The following FBXO15 variants were observed in gnomAD, a reference collection of about 807,000 sequenced individuals.
FBXO15 encodes the protein F-box protein 15.
In FBXO15, 30 loss-of-function variants were observed where a neutral mutation model predicts 49.5. That is an observed-to-expected ratio of 0.61 (90% CI 0.45 to 0.82). FBXO15 has a LOEUF of 0.82. Among genes scored for constraint, FBXO15 ranks in the 40% least tolerant of loss-of-function variants. The pLI is 0.00. For synonymous variants in FBXO15, 250 were observed against 232.7 expected, an observed-to-expected ratio of 1.07 and a Z score of -0.68; for missense variants, 591 against 631.5, an observed-to-expected ratio of 0.94 and a Z score of 0.69.
chr18:74,135,892 A>C (rs1443623449), intron 2 of FBXO15, 26 bp from the exon 3 acceptor site: 1 of 1,584,722 alleles, frequency 6.3e-7, no homozygotes, highest in Non-Finnish European at 8.6e-7. Flanking sequence ...AAGAAAAAAA[A>C]AATCACCAGA....
At chr18:74,141,684 C>T (rs1042697924) in intron 1 of FBXO15, among the ~76,000 whole-genome samples, 1 of 152,198 alleles carries the variant, frequency 6.6e-6, no homozygotes, top group African/African-American at 2.4e-5. Context: ...CTGGTCTTAA[C>T]AGAGGATGGC....
chr18:74,093,674 C>T (rs1008271800), intron 8 of FBXO15, among the ~76,000 whole-genome samples: 2 of 152,240 alleles, frequency 1.3e-5, no homozygotes. Context: ...AACTGTAGTT[C>T]TCTTGCTATT....
At chr18:74,123,241 G>C in intron 8 of FBXO15, 127 bp downstream of exon 8, 1 of 1,005,262 alleles carries the variant, frequency 9.9e-7, no homozygotes, top group Non-Finnish European at 1.5e-6. Context: ...ACACGGGTCT[G>C]GGAGGATACT....
At chr18:74,076,651 T>G (rs1361235447) in intron 9 of FBXO15, 1 of 152,372 alleles carries the variant, frequency 6.6e-6, no homozygotes, top group East Asian at 1.9e-4. Context: ...GCCATCTAAC[T>G]GATCTCCCCA....
At chr18:74,133,989 C>T (rs562498283) in intron 3 of FBXO15, among the ~76,000 whole-genome samples, 85 of 152,294 alleles carry the variant, frequency 5.6e-4, no homozygotes, top group Non-Finnish European at 7.9e-4. Context: ...CAAATCTCAA[C>T]TACGTAAACT....
rs4892180 is a variant in FBXO15 at position 74,123,777 on chromosome 18, T to C, written c.996-267A>G. Among the ~76,000 whole-genome samples the C allele has an allele frequency of 2.4e-3, 361 of 152,194 alleles. 4 individuals carry two copies. The highest frequency in any genetic ancestry group is 0.019 in the Admixed American group (297 of 15,284). On this transcript the variant is annotated intron_variant, in intron 7 of 9. Coordinates refer to ENST00000419743, the MANE Select transcript of FBXO15 (RefSeq NM_001142958.2). ...CGGGTGCACATGTTTCTGCAGCTGA[T>C]CCCAGCATGGCCACTCTATAAAAGC...
At chr18:74,114,020 T>A (rs1210415071) in intron 8 of FBXO15, among the ~76,000 whole-genome samples, 1 of 152,190 alleles carries the variant, frequency 6.6e-6, no homozygotes, top group Non-Finnish European at 1.5e-5. Flanking sequence ...TTGGATGTGG[T>A]CTAGGCATTT....
intron 8 of FBXO15, among the ~76,000 whole-genome samples, chr18:74,093,750 T>C (rs1913157237): frequency 6.6e-6 from 1 of 152,200 alleles, no homozygotes; most frequent in African/African-American, 2.4e-5. Flanking sequence ...CCATGAGGGT[T>C]AGAATCAACT....
chr18:74,104,972 T>C (rs1411564688), intron 8 of FBXO15, among the ~76,000 whole-genome samples: 1 of 152,176 alleles, frequency 6.6e-6, no homozygotes, highest in Non-Finnish European at 1.5e-5. Flanking sequence ...AAATTAAATA[T>C]TATTCAGCCA....
Position 74,130,486 on chromosome 18 carries a change from C to T in FBXO15, c.505G>A (p.Ala169Thr), listed in dbSNP as rs567065722. The change falls in exon 4 of 10, where the codon GCA becomes ACA. Residue 169 changes from alanine to threonine, a missense_variant. Ala to Thr is a moderately conservative substitution (Grantham distance 58). Coordinates refer to ENST00000419743, the MANE Select transcript of FBXO15 (RefSeq NM_001142958.2). The stretch of plus-strand genomic sequence containing the variant: ...ACAGGTTTGAGAATGTCAGCTAGTG[C>T]GGCTTTTACAGATGCTATTTGTTTT... ...ITKQIASVKA[A>T]LADILKPVNP... 37 of 1,614,120 alleles carry T rather than the reference C, an allele frequency of 2.3e-5. No individual in the cohort carries two copies. In the Middle Eastern group the frequency reaches 1.2e-3, roughly 50 times the overall value.
chr18:74,107,861 A>G (rs929463417), intron 8 of FBXO15, among the ~76,000 whole-genome samples: 6 of 152,218 alleles, frequency 3.9e-5, no homozygotes, highest in African/African-American at 1.4e-4. Flanking sequence ...GAAACTAACT[A>G]GAGAATAACC....
intron 8 of FBXO15, among the ~76,000 whole-genome samples, chr18:74,084,496 T>C (rs1207184827): frequency 6.6e-6 from 1 of 152,208 alleles, no homozygotes; most frequent in African/African-American, 2.4e-5. Context: ...TGCTGATAGT[T>C]TCACAAGAGA....
At chr18:74,136,714 C>A (rs1355490664) in intron 2 of FBXO15, among the ~76,000 whole-genome samples, 1 of 152,126 alleles carries the variant, frequency 6.6e-6, no homozygotes, top group Non-Finnish European at 1.5e-5. Flanking sequence ...TCTCAGAATT[C>A]TATAAAACAC....
At chr18:74,114,232 T>G (rs1259318553) in intron 8 of FBXO15, among the ~76,000 whole-genome samples, 1 of 152,176 alleles carries the variant, frequency 6.6e-6, no homozygotes, top group Non-Finnish European at 1.5e-5. Flanking sequence ...GAGCTCTCAT[T>G]AGAGCTGTCT....
intron 8 of FBXO15, among the ~76,000 whole-genome samples, chr18:74,084,519 T>C (rs1392765686): frequency 3.3e-5 from 5 of 152,242 alleles, no homozygotes; most frequent in Non-Finnish European, 7.3e-5. Flanking sequence ...CCACAGAGCA[T>C]GGCTTTGCAT....
rs572539362 is a variant in FBXO15, at chr18:74,136,353, T to C, written c.228-487A>G. On this transcript the variant is annotated intron_variant, in intron 2 of 9. Transcript: ENST00000419743. ...ACGCCGCCAAGCCTGGCTAATTTTTTGTATTTTTTGTGCAATTTCACCATG... is the reference window on the plus strand; with the variant it reads ...ACGCCGCCAAGCCTGGCTAATTTTTCGTATTTTTTGTGCAATTTCACCATG... 1.8e-4 allele frequency among the ~76,000 whole-genome samples: 28 copies of C among 152,330 alleles called. No individual in the cohort carries two copies. In the East Asian group the frequency reaches 4.6e-3, roughly 25 times the overall value.
chr18:74,134,913 C>A lies in FBXO15; in HGVS notation c.332+849G>T, dbSNP rs577819810. ...AAACAAAACCATCAGTTAAAACCGG[C>A]ATTCCCTCTCATCTTGCTGATCTCC... On this transcript the variant is annotated intron_variant, in intron 3 of 9. Coordinates refer to ENST00000419743, the MANE Select transcript of FBXO15 (RefSeq NM_001142958.2). Among the ~76,000 whole-genome samples the A allele has an allele frequency of 2.6e-5, 4 of 152,274 alleles. No individual in the cohort carries two copies. In the East Asian group the frequency reaches 7.7e-4, roughly 29 times the overall value.
Position 74,093,157 on chromosome 18 carries a change from G to A in FBXO15, c.1139-11106C>T, listed in dbSNP as rs756087624. 8.6e-5 allele frequency among the ~76,000 whole-genome samples: 13 copies of A among 151,710 alleles called. 1 individual carries two copies. Among genetic ancestry groups the A allele is most frequent in the South Asian group, 2.1e-4 (1 of 4,824 alleles). Reference sequence around the variant, plus strand: ...GGACAACAGCAACAGGCGGGTGGTGGGTGTGCTCATGCCAGCAGCAATAGC... The same window carrying A: ...GGACAACAGCAACAGGCGGGTGGTGAGTGTGCTCATGCCAGCAGCAATAGC... On this transcript the variant is annotated intron_variant, in intron 8 of 9. Transcript: ENST00000419743.
At chr18:74,083,352 C>T (rs972814410) in intron 8 of FBXO15, among the ~76,000 whole-genome samples, 4 of 152,176 alleles carry the variant, frequency 2.6e-5, no homozygotes, top group Non-Finnish European at 5.9e-5. Context: ...CAGGGCTCGA[C>T]GGAAGCAGGG....
Sources: gnomAD v4.1 joint callset for allele counts (sites outside exome capture counted in the v4.1 genomes callset) on GRCh38, gnomAD v4.1.1 for gene constraint, MANE v1.5 for transcripts, NCBI Gene and HGNC (gene_info 2026-07-23, HGNC 2026-07-21) for gene names.